Variants in CYP7B1 observed in about 807,000 individuals in gnomAD.
CYP7B1 encodes cytochrome P450 family 7 subfamily B member 1, also known as cytochrome P450 7B1.
Under a neutral mutation model 42.7 loss-of-function variants are expected in CYP7B1, and 29 were observed. The observed-to-expected ratio is 0.68, with a 90% CI of 0.51 to 0.93. The LOEUF (loss-of-function observed/expected upper bound fraction) is 0.93, where lower values mean the gene tolerates loss of function less well. Among genes scored for constraint, CYP7B1 ranks in the 40% least tolerant of loss-of-function variants. CYP7B1 has a pLI of 0.00. For synonymous variants in CYP7B1, 235 were observed against 218.2 expected (o/e 1.08, Z -0.68); for missense variants, 655 against 600.5 (o/e 1.09, Z -0.95).
At chr8:64,658,138 C>T (rs1435845830) in intron 1 of CYP7B1, among the ~76,000 whole-genome samples, 2 of 152,114 alleles carry the variant, frequency 1.3e-5, no homozygotes, top group African/African-American at 2.4e-5. Flanking sequence ...AAAGACCCCA[C>T]CTCCTAACAT....
chr8:64,637,258 T>C (rs1805787115), intron 1 of CYP7B1, among the ~76,000 whole-genome samples: 1 of 152,180 alleles, frequency 6.6e-6, no homozygotes, highest in Non-Finnish European at 1.5e-5. Flanking sequence ...GATACTCTAG[T>C]TTACTGAAGT....
chr8:64,770,864 C>A (rs769331567), intron 1 of CYP7B1, among the ~76,000 whole-genome samples: 52 of 152,152 alleles, frequency 3.4e-4, no homozygotes, highest in Middle Eastern at 3.4e-3. Context: ...CAGAGATAAT[C>A]CAAACATTAG....
intron 1 of CYP7B1, among the ~76,000 whole-genome samples, chr8:64,721,941 A>C (rs1807242914): frequency 6.6e-6 from 1 of 152,210 alleles, no homozygotes; most frequent in Admixed American, 6.5e-5. Context: ...ATTATTGTTA[A>C]TCAGGGCCTG....
In CYP7B1 at chr8:64,591,952, C is replaced by T. The variant is rs1292410663; in HGVS notation, c.*4690G>A. ...TCTGCAACCCCAGCACTTAGGGAGT[C>T]CGAGGCGGGTGGATCACCTGAGGTC... On this transcript the variant is annotated 3_prime_UTR_variant, in exon 6 of 6. Transcript: ENST00000310193. Among the ~76,000 whole-genome samples, 2 of 152,044 alleles carry T rather than the reference C, an allele frequency of 1.3e-5. No homozygotes were observed. Among genetic ancestry groups the T allele is most frequent in the Non-Finnish European group, 2.9e-5 (2 of 68,002 alleles).
At chr8:64,600,676 C>CT (rs1282008638) in intron 5 of CYP7B1, among the ~76,000 whole-genome samples, 1 of 152,044 alleles carries the variant, frequency 6.6e-6, no homozygotes, top group African/African-American at 2.4e-5. Flanking sequence ...CTTAGTGACT[C>CT]TGTGTTTAGG....
rs780057659 is a variant in CYP7B1 at position 64,615,878 on chromosome 8, G to A, written c.663C>T (p.Asp221=). The A allele has an allele frequency of 6.2e-7, 1 of 1,613,630 alleles. No individual in the cohort carries two copies. The highest frequency in any genetic ancestry group is 8.5e-7 in the Non-Finnish European group (1 of 1,179,766). ...TGTTGGATACTAAATATGCAAACTTGTCATCAAATTTTAAAAAATCATCTC... is the reference window on the plus strand; with the variant it reads ...TGTTGGATACTAAATATGCAAACTTATCATCAAATTTTAAAAAATCATCTC... ...ELRDDFLKFD[D]KFAYLVSNIP... Residue 221 remains aspartate, a synonymous_variant, in exon 3 of 6, where the codon GAC becomes GAT. Coordinates refer to ENST00000310193, the MANE Select transcript of CYP7B1 (RefSeq NM_004820.5).
At chr8:64,722,757 C>CG (rs1563405027) in intron 1 of CYP7B1, among the ~76,000 whole-genome samples, 1 of 10,346 alleles carries the variant, frequency 9.7e-5, no homozygotes, top group Non-Finnish European at 1.8e-4. Context: ...GGGGGGGGGG[C>CG]GGGAGGTTTT....
At chr8:64,676,657 T>C (rs1806450656) in intron 1 of CYP7B1, among the ~76,000 whole-genome samples, 1 of 152,110 alleles carries the variant, frequency 6.6e-6, no homozygotes, top group Non-Finnish European at 1.5e-5. Flanking sequence ...TCATAATGGC[T>C]CATTTGTGAT....
At chr8:64,713,311 T>C (rs1015859978) in intron 1 of CYP7B1, among the ~76,000 whole-genome samples, 1 of 151,634 alleles carries the variant, frequency 6.6e-6, no homozygotes, top group Non-Finnish European at 1.5e-5. Context: ...CATAAAATTC[T>C]CAATGTCCAG....
At chr8:64,759,973 G>T (rs1050516526) in intron 1 of CYP7B1, among the ~76,000 whole-genome samples, 2 of 152,004 alleles carry the variant, frequency 1.3e-5, no homozygotes. Flanking sequence ...ATATGTTATA[G>T]AATTTTTATA....
chr8:64,644,967 G>T (rs1433768484), intron 1 of CYP7B1, among the ~76,000 whole-genome samples: 1 of 145,676 alleles, frequency 6.9e-6, no homozygotes, highest in Non-Finnish European at 1.5e-5. Flanking sequence ...GTGTCCATGT[G>T]TTCTCCTTGT....
At chr8:64,768,282 G>A (rs1804142906) in intron 1 of CYP7B1, among the ~76,000 whole-genome samples, 1 of 151,928 alleles carries the variant, frequency 6.6e-6, no homozygotes, top group Admixed American at 6.6e-5. Flanking sequence ...AGGCATTCAA[G>A]CAAGGAGGGG....
rs946023575 is a variant in CYP7B1, at chr8:64,615,631, T to C, written c.850+60A>G. On this transcript the variant is annotated intron_variant, in intron 3 of 5. Transcript: ENST00000310193. Reference sequence around the variant, plus strand: ...TCAAGGTCGCCATTTTGTCTTTTTATTTCAGAGGTCTATTGTAAATGATTT... The same window carrying C: ...TCAAGGTCGCCATTTTGTCTTTTTACTTCAGAGGTCTATTGTAAATGATTT... 5.1e-5 allele frequency: 78 copies of C among 1,526,096 alleles called. 2 individuals are homozygous for C. The highest frequency in any genetic ancestry group is 3.5e-4 in the South Asian group (30 of 86,242). 94.5% of individuals were successfully genotyped at this position (1,526,096 alleles called of 1,614,324 possible).
chr8:64,663,545 AT>A (rs1806230942), intron 1 of CYP7B1, among the ~76,000 whole-genome samples: 1 of 152,162 alleles, frequency 6.6e-6, no homozygotes, highest in Non-Finnish European at 1.5e-5. Context: ...TTTAACTATC[AT>A]TTTCTAAAAG....
At chr8:64,720,080 C>T (rs1807215133) in intron 1 of CYP7B1, among the ~76,000 whole-genome samples, 1 of 152,104 alleles carries the variant, frequency 6.6e-6, no homozygotes, top group Non-Finnish European at 1.5e-5. Context: ...CCTTACTAGC[C>T]TTTAATCTAA....
chr8:64,731,270 AG>A (rs1303014926), intron 1 of CYP7B1, among the ~76,000 whole-genome samples: 2 of 152,198 alleles, frequency 1.3e-5, no homozygotes, highest in Non-Finnish European at 2.9e-5. Flanking sequence ...TTCAGAAGAC[AG>A]AAAGTTGTGG....
At chr8:64,779,979 T>G (rs1243594688) in intron 1 of CYP7B1, among the ~76,000 whole-genome samples, 3 of 152,140 alleles carry the variant, frequency 2.0e-5, no homozygotes, top group Non-Finnish European at 2.9e-5. Context: ...ATTTTTAAAC[T>G]GAATTTTCAG....
intron 1 of CYP7B1, among the ~76,000 whole-genome samples, chr8:64,667,190 G>C (rs4263804): frequency 0.08 from 12,109 of 152,208 alleles, 684 homozygotes; most frequent in South Asian, 0.16. Context: ...CCACCCTGTC[G>C]AAATTATGTA....
chr8:64,687,240 A>G (rs1039121151), intron 1 of CYP7B1, among the ~76,000 whole-genome samples: 1 of 152,264 alleles, frequency 6.6e-6, no homozygotes, highest in African/African-American at 2.4e-5. Flanking sequence ...GCACAATGGA[A>G]TATTATTCAG....
Sources: allele counts gnomAD v4.1 joint callset (sites outside exome capture counted in the v4.1 genomes callset), GRCh38; gene constraint gnomAD v4.1.1; transcripts MANE v1.5; gene names NCBI Gene and HGNC (gene_info 2026-07-23, HGNC 2026-07-21).